The following ROCK2 variants were observed in gnomAD, a reference collection of about 807,000 sequenced individuals.
ROCK2 encodes the protein Rho associated coiled-coil containing protein kinase 2, also known as rho-associated protein kinase 2.
In ROCK2, 61 loss-of-function variants were observed where a neutral mutation model predicts 195.1. That is an observed-to-expected ratio of 0.31 (90% CI 0.25 to 0.39). ROCK2 has a LOEUF of 0.39. ROCK2 is among the 10% of genes least tolerant of loss of function. The pLI is 1.00. For missense variants in ROCK2, 1,109 were observed against 1,637.4 expected (o/e 0.68, Z 5.57); for synonymous variants, 504 against 545.5 (o/e 0.92, Z 1.06).
At chr2:11,188,752 T>C (rs1663301487) in intron 32 of ROCK2, among the ~76,000 whole-genome samples, 3 of 150,124 alleles carry the variant, frequency 2.0e-5, no homozygotes, top group East Asian at 2.0e-4. Flanking sequence ...GCCTCCCGAG[T>C]AGCTGGGACT....
At chr2:11,318,694 G>A (rs1442850602) in intron 1 of ROCK2, among the ~76,000 whole-genome samples, 1 of 152,080 alleles carries the variant, frequency 6.6e-6, no homozygotes, top group African/African-American at 2.4e-5. Context: ...TCTCCTGAAT[G>A]GTATTGCCTA....
At chr2:11,309,924 T>C (rs373834764) in intron 1 of ROCK2, among the ~76,000 whole-genome samples, 3 of 151,320 alleles carry the variant, frequency 2.0e-5, no homozygotes, top group African/African-American at 7.3e-5. Context: ...AAAGTTGGAG[T>C]GAGCCAAGAT....
chr2:11,188,699 C>T (rs979870190), intron 32 of ROCK2, among the ~76,000 whole-genome samples: 1 of 150,518 alleles, frequency 6.6e-6, no homozygotes, highest in Non-Finnish European at 1.5e-5. Context: ...TCTCGGCTCA[C>T]TACAAGCTCC....
At chr2:11,336,333 T>C (rs1218660450) in intron 1 of ROCK2, among the ~76,000 whole-genome samples, 1 of 152,176 alleles carries the variant, frequency 6.6e-6, no homozygotes, top group African/African-American at 2.4e-5. Flanking sequence ...TCACTCAGTC[T>C]CAAACTCCTG....
At chr2:11,209,477 C>A (rs1664175634) in intron 18 of ROCK2, among the ~76,000 whole-genome samples, 1 of 152,112 alleles carries the variant, frequency 6.6e-6, no homozygotes, top group Non-Finnish European at 1.5e-5. Flanking sequence ...TTTTAAAAAG[C>A]AAAACGGTAT....
chr2:11,202,001 C>T, intron 21 of ROCK2, 51 bp downstream of exon 21: 1 of 1,374,678 alleles, frequency 7.3e-7, no homozygotes, highest in Non-Finnish European at 1.0e-6. Context: ...AATAAAATAT[C>T]CCAACCAAAA....
chr2:11,314,444 C>CCAGTAG (rs10623937), intron 1 of ROCK2, among the ~76,000 whole-genome samples: 1 of 151,662 alleles, frequency 6.6e-6, no homozygotes, highest in Admixed American at 6.6e-5. Context: ...ACTTCATTTA[C>CCAGTAG]ATTTATTGGT....
intron 23 of ROCK2, among the ~76,000 whole-genome samples, chr2:11,200,719 GA>G (rs796222769): frequency 0.015 from 2,085 of 141,988 alleles, 28 homozygotes; most frequent in East Asian, 0.052. Context: ...TGTTTAAAAA[GA>G]AAAAAAAAAA....
At position 11,270,847 on chromosome 2, in the gene ROCK2, C is replaced by T. The variant is rs565300830; in HGVS notation, c.324+15692G>A. 3.3e-5 allele frequency among the ~76,000 whole-genome samples: 5 copies of T among 152,306 alleles called. No homozygotes were observed. In the South Asian group the frequency reaches 1.0e-3, roughly 32 times the overall value. On this transcript the variant is annotated intron_variant, in intron 3 of 32. Transcript: ENST00000315872. ...CTACCATGTTTGCTTCTAATGCTTA[C>T]TGTCTCTTCAAAATCTTTTTTCCTG...
chr2:11,202,538 C>T (rs1359835893), intron 20 of ROCK2, among the ~76,000 whole-genome samples: 1 of 151,660 alleles, frequency 6.6e-6, no homozygotes, highest in Non-Finnish European at 1.5e-5. Flanking sequence ...CACTCTGTCG[C>T]CCAGGCTGGA....
At chr2:11,292,707 C>T (rs1003680529) in intron 1 of ROCK2, among the ~76,000 whole-genome samples, 3 of 152,168 alleles carry the variant, frequency 2.0e-5, no homozygotes, top group Non-Finnish European at 4.4e-5. Context: ...GAATTTGTAA[C>T]ACATTTCCTC....
chr2:11,248,017 G>A (rs908633028), intron 4 of ROCK2, among the ~76,000 whole-genome samples: 6 of 151,442 alleles, frequency 4.0e-5, no homozygotes, highest in Admixed American at 1.3e-4. Context: ...GGGAGACTCC[G>A]TCTCAAGGGA....
intron 6 of ROCK2, 69 bp from the exon 7 acceptor site, chr2:11,224,529 T>A (rs1421137498): frequency 3.6e-6 from 5 of 1,373,492 alleles, no homozygotes; most frequent in Non-Finnish European, 5.1e-6. Flanking sequence ...CACCTAGTAC[T>A]TAAATATGTT....
chr2:11,276,125 T>C (rs1403196031), intron 3 of ROCK2, among the ~76,000 whole-genome samples: 2 of 152,210 alleles, frequency 1.3e-5, no homozygotes, highest in African/African-American at 4.8e-5. Context: ...ATAGTGAAAG[T>C]CTAAAAGTTT....
rs1201338438 is a variant in ROCK2 at position 11,193,880 on chromosome 2, G to A, written c.3609-23C>T. 4 of 1,337,712 alleles carry A rather than the reference G, an allele frequency of 3.0e-6. No homozygotes were observed. In the East Asian group the frequency reaches 9.4e-5, roughly 31 times the overall value. The allele number at this position is 1,337,712 out of a possible 1,614,324, so 82.9% of individuals were successfully genotyped here. A position where few individuals can be genotyped will look rare whatever the true frequency, so the allele number is the denominator to read the frequency against. ...TTGCTATAAAAAATTTTGAATAAAG[G>A]AATAAAATATCACCCAAGGATCAAA... On this transcript the variant is annotated intron_variant, in intron 29 of 32. Transcript: ENST00000315872.
chr2:11,256,649 G>T lies in ROCK2; in HGVS notation c.325-6851C>A, dbSNP rs1407820693. 1.3e-5 allele frequency among the ~76,000 whole-genome samples: 2 copies of T among 150,886 alleles called. 1 individual carries two copies. The highest frequency in any genetic ancestry group is 4.9e-5 in the African/African-American group (2 of 40,478). On this transcript the variant is annotated intron_variant, in intron 3 of 32. Coordinates refer to ENST00000315872, the MANE Select transcript of ROCK2 (RefSeq NM_004850.5). ...AATGAGTTGAAAACAAATGAATGGAGAAAGATCTACCATGCAAACTGCAAG... is the reference window on the plus strand; with the variant it reads ...AATGAGTTGAAAACAAATGAATGGATAAAGATCTACCATGCAAACTGCAAG...
intron 1 of ROCK2, among the ~76,000 whole-genome samples, chr2:11,296,606 T>C (rs1437622246): frequency 6.6e-6 from 1 of 152,176 alleles, no homozygotes; most frequent in Non-Finnish European, 1.5e-5. Context: ...ATACACACTA[T>C]GCATTTAAAG....
In ROCK2 at chr2:11,344,032, T is replaced by C; in HGVS notation, c.105A>G (p.Arg35=). The C allele has an allele frequency of 6.3e-7, 1 of 1,588,784 alleles. No homozygotes were observed. Among genetic ancestry groups the C allele is most frequent in the East Asian group, 2.5e-5 (1 of 40,354 alleles). ...SRQRKLEALI[R]DPRSPINVES... is the part of the protein sequence containing the mutation. ...CCACGTTGATGGGGGAGCGAGGGTC[T>C]CGGATCAGCGCCTCCAGCTTCCTCT... The change falls in exon 1 of 33, where the codon CGA becomes CGG. Residue 35 remains arginine, a synonymous_variant. Transcript: ENST00000315872. This position sits in a 1 kb window ranked among gnomAD's most constrained non-coding sequence, Gnocchi z 5.4.
intron 3 of ROCK2, among the ~76,000 whole-genome samples, chr2:11,275,266 AAAAAAAAG>A (rs2148173676): frequency 6.6e-6 from 1 of 152,168 alleles, no homozygotes; most frequent in South Asian, 2.1e-4. Flanking sequence ...TCAAAAAAAA[AAAAAAAAG>A]AATTATAAGA....
Sources: allele counts gnomAD v4.1 joint callset (sites outside exome capture counted in the v4.1 genomes callset), GRCh38; gene constraint gnomAD v4.1.1; non-coding constraint Gnocchi (gnomAD v3.1); transcripts MANE v1.5; gene names NCBI Gene and HGNC (gene_info 2026-07-23, HGNC 2026-07-21).